Variants in RBFOX1 observed in about 807,000 individuals in gnomAD.
RBFOX1 encodes RNA binding fox-1 homolog 1.
In RBFOX1, 8 loss-of-function variants were observed where a neutral mutation model predicts 57.7. That is an observed-to-expected ratio of 0.14 (90% CI 0.08 to 0.25). RBFOX1 has a LOEUF of 0.25. RBFOX1 is among the 10% of genes least tolerant of loss of function. RBFOX1 has a pLI of 1.00. For synonymous variants in RBFOX1, 326 were observed against 222.4 expected (o/e 1.47, Z -4.15); for missense variants, 611 against 548.5 (o/e 1.11, Z -1.14).
chr16:7,699,714 G>GAA (rs1339124918), intron 14 of RBFOX1, among the ~76,000 whole-genome samples: 2 of 151,862 alleles, frequency 1.3e-5, no homozygotes, highest in Non-Finnish European at 2.9e-5. Flanking sequence ...ATATTCTGGA[G>GAA]AAAATAAAAA....
intron 3 of RBFOX1, among the ~76,000 whole-genome samples, chr16:7,046,494 C>T (rs1215887116): frequency 1.3e-5 from 2 of 151,752 alleles, no homozygotes; most frequent in Admixed American, 6.6e-5. Context: ...AAGTTCAATA[C>T]GTTAAATATA....
intron 4 of RBFOX1, among the ~76,000 whole-genome samples, chr16:7,424,082 TTCTGAG>T (rs1204128269): frequency 6.6e-6 from 1 of 152,212 alleles, no homozygotes; most frequent in African/African-American, 2.4e-5. Flanking sequence ...CTTTGGTTTA[TTCTGAG>T]TCTCTTTTTT....
At chr16:6,872,570 A>G (rs544693538) in intron 3 of RBFOX1, among the ~76,000 whole-genome samples, 6 of 152,180 alleles carry the variant, frequency 3.9e-5, no homozygotes, top group African/African-American at 7.2e-5. Flanking sequence ...TTAAAAAAAG[A>G]TAAGAACGTT....
At chr16:6,881,191 G>C (rs2062863227) in intron 3 of RBFOX1, among the ~76,000 whole-genome samples, 1 of 152,162 alleles carries the variant, frequency 6.6e-6, no homozygotes, top group South Asian at 2.1e-4. Context: ...GCTCTCCCAA[G>C]CTCACAGGCA....
intron 4 of RBFOX1, among the ~76,000 whole-genome samples, chr16:5,929,564 A>G (rs2059005624): frequency 6.6e-6 from 1 of 152,208 alleles, no homozygotes; most frequent in Non-Finnish European, 1.5e-5. Flanking sequence ...CAAAGGTTCC[A>G]TGTTCCATAT....
chr16:6,963,472 C>T (rs2083439536), intron 3 of RBFOX1, among the ~76,000 whole-genome samples: 2 of 152,230 alleles, frequency 1.3e-5, no homozygotes, highest in South Asian at 2.1e-4. Context: ...GTCTGAACCA[C>T]TGGTCAGTAA....
intron 2 of RBFOX1, among the ~76,000 whole-genome samples, chr16:6,600,697 T>C (rs146792101): frequency 1.1e-4 from 17 of 152,286 alleles, no homozygotes; most frequent in African/African-American, 3.4e-4. Context: ...GTTTATAGAT[T>C]TACCATTTAG....
intron 4 of RBFOX1, among the ~76,000 whole-genome samples, chr16:5,980,048 TC>T (rs2060141466): frequency 6.6e-6 from 1 of 152,190 alleles, no homozygotes; most frequent in Non-Finnish European, 1.5e-5. Flanking sequence ...TGAAAAGTCT[TC>T]CAATCAGCTC....
chr16:6,800,636 G>C (rs1231294634), intron 3 of RBFOX1, among the ~76,000 whole-genome samples: 1 of 151,986 alleles, frequency 6.6e-6, no homozygotes, highest in Non-Finnish European at 1.5e-5. Flanking sequence ...TTAATTCTTT[G>C]CAATTACTTT....
At chr16:6,583,571 G>T (rs565019822) in intron 2 of RBFOX1, among the ~76,000 whole-genome samples, 4 of 152,310 alleles carry the variant, frequency 2.6e-5, no homozygotes, top group Non-Finnish European at 5.9e-5. Flanking sequence ...AGAGCATCTT[G>T]TTACCTGTCG....
At chr16:7,626,425 G>A (rs993390846) in intron 10 of RBFOX1, among the ~76,000 whole-genome samples, 49 of 152,192 alleles carry the variant, frequency 3.2e-4, no homozygotes, top group African/African-American at 1.1e-3. Flanking sequence ...GCTGGAGAGT[G>A]GCTGTGGGAC....
In RBFOX1 at chr16:7,191,864, C is replaced by T. The variant is rs190992287; in HGVS notation, c.27+139766C>T. ...TTTGGTTTTATTAACCATCACCAGGCAACTTTGAGGCAGAATGTAAGCCTT... is the reference window on the plus strand; with the variant it reads ...TTTGGTTTTATTAACCATCACCAGGTAACTTTGAGGCAGAATGTAAGCCTT... On this transcript the variant is annotated intron_variant, in intron 4 of 15. Coordinates refer to ENST00000550418, the MANE Select transcript of RBFOX1 (RefSeq NM_018723.4). Among the ~76,000 whole-genome samples, 270 of 152,262 alleles carry T rather than the reference C, an allele frequency of 1.8e-3. 1 individual carries two copies. Among genetic ancestry groups the T allele is most frequent in the African/African-American group, 6.1e-3 (252 of 41,544 alleles).
At chr16:6,976,794 TG>T (rs1319744942) in intron 3 of RBFOX1, among the ~76,000 whole-genome samples, 12 of 115,286 alleles carry the variant, frequency 1.0e-4, no homozygotes, top group East Asian at 3.6e-4. Flanking sequence ...ATTATATATA[TG>T]ATATATGAGA....
intron 4 of RBFOX1, among the ~76,000 whole-genome samples, chr16:7,272,699 A>G (rs1336630109): frequency 1.3e-5 from 2 of 152,086 alleles, no homozygotes; most frequent in Non-Finnish European, 2.9e-5. Context: ...AACAAGGGAG[A>G]GGAGAGAGGA....
At chr16:5,347,185 T>TTA (rs966392950) in intron 1 of RBFOX1, among the ~76,000 whole-genome samples, 1 of 152,220 alleles carries the variant, frequency 6.6e-6, no homozygotes, top group African/African-American at 2.4e-5. Flanking sequence ...TCTTGTCATC[T>TTA]TATATACTAT....
intron 2 of RBFOX1, among the ~76,000 whole-genome samples, chr16:6,379,824 T>C (rs2091607215): frequency 6.6e-6 from 1 of 151,796 alleles, no homozygotes; most frequent in Non-Finnish European, 1.5e-5. Flanking sequence ...AGAAGGGGGA[T>C]ATGTTAGAGG....
intron 2 of RBFOX1, among the ~76,000 whole-genome samples, chr16:6,373,692 G>T (rs74733079): frequency 6.6e-6 from 1 of 152,144 alleles, no homozygotes; most frequent in Non-Finnish European, 1.5e-5. Context: ...TGGTTTTCAT[G>T]CAAGAGCATT....
intron 4 of RBFOX1, among the ~76,000 whole-genome samples, chr16:7,393,262 C>A (rs1359209652): frequency 6.6e-6 from 1 of 152,150 alleles, no homozygotes; most frequent in Admixed American, 6.5e-5. Flanking sequence ...ATGGCCCATG[C>A]AGGATCTCAC....
At chr16:6,838,837 C>A (rs757892215) in intron 3 of RBFOX1, among the ~76,000 whole-genome samples, 5 of 152,104 alleles carry the variant, frequency 3.3e-5, no homozygotes, top group Non-Finnish European at 7.4e-5. Flanking sequence ...TCAGGTGCTT[C>A]CCCGTCATAC....
Sources: gnomAD v4.1 joint callset for allele counts (sites outside exome capture counted in the v4.1 genomes callset) on GRCh38, gnomAD v4.1.1 for gene constraint, MANE v1.5 for transcripts, NCBI Gene and HGNC (gene_info 2026-07-23, HGNC 2026-07-21) for gene names.